The following HSPA12A variants were observed in gnomAD, a reference collection of about 807,000 sequenced individuals.
HSPA12A encodes heat shock 70 kDa protein 12A.
HSPA12A carries 28 observed loss-of-function variants against 69.2 expected under a neutral mutation model. The observed-to-expected ratio is 0.40, with a 90% CI of 0.30 to 0.55. HSPA12A has a LOEUF of 0.55. Among genes scored for constraint, HSPA12A ranks in the 20% least tolerant of loss-of-function variants. The probability of loss-of-function intolerance (pLI) is 0.38; values close to 1 mark genes in which losing one functional copy is unlikely to be tolerated. For synonymous variants in HSPA12A, 345 were observed against 370.5 expected (o/e 0.93, Z 0.79); for missense variants, 686 against 900.7 (o/e 0.76, Z 3.05).
At chr10:116,795,545 G>A (rs1844800224) in intron 2 of HSPA12A, among the ~76,000 whole-genome samples, 1 of 150,852 alleles carries the variant, frequency 6.6e-6, no homozygotes, top group African/African-American at 2.4e-5. Context: ...AATTAGCCAG[G>A]CGTGGTGGAA....
chr10:116,787,523 C>T (rs974239474), intron 2 of HSPA12A, among the ~76,000 whole-genome samples: 3 of 148,822 alleles, frequency 2.0e-5, no homozygotes, highest in African/African-American at 7.5e-5. Context: ...TAAATGCAAA[C>T]GAGAAACTGA....
At chr10:116,822,957 A>T (rs1015681176) in intron 2 of HSPA12A, among the ~76,000 whole-genome samples, 1 of 152,212 alleles carries the variant, frequency 6.6e-6, no homozygotes, top group African/African-American at 2.4e-5. Flanking sequence ...CAGACGACTT[A>T]AAAAGGTGTG....
chr10:116,720,585 G>A (rs537360565), intron 1 of HSPA12A, among the ~76,000 whole-genome samples: 16 of 152,360 alleles, frequency 1.1e-4, no homozygotes, highest in African/African-American at 3.8e-4. Flanking sequence ...ACTTGCTGGT[G>A]CTTCCCCTGA....
chr10:116,792,831 A>G (rs1394551586), intron 2 of HSPA12A, among the ~76,000 whole-genome samples: 1 of 151,882 alleles, frequency 6.6e-6, no homozygotes, highest in African/African-American at 2.4e-5. Flanking sequence ...GAAAGAAAGA[A>G]AAAGAAAAGA....
At chr10:116,689,990 T>A (rs1316474055) in intron 6 of HSPA12A, among the ~76,000 whole-genome samples, 2 of 152,190 alleles carry the variant, frequency 1.3e-5, no homozygotes, top group African/African-American at 4.8e-5. Flanking sequence ...ACAGGAACAC[T>A]CAGGATAATG....
chr10:116,736,027 T>C (rs1851306903), intron 1 of HSPA12A, among the ~76,000 whole-genome samples: 1 of 152,192 alleles, frequency 6.6e-6, no homozygotes, highest in Admixed American at 6.5e-5. Context: ...ACTATTGTTT[T>C]AACCCATTAA....
chr10:116,825,944 T>C (rs552022251), intron 2 of HSPA12A, among the ~76,000 whole-genome samples: 4 of 152,294 alleles, frequency 2.6e-5, no homozygotes, highest in African/African-American at 9.6e-5. Flanking sequence ...AACCACATCC[T>C]AGGCAGAAAA....
At position 116,731,245 on chromosome 10, in the gene HSPA12A, C is replaced by A. The variant is rs539944732; in HGVS notation, c.40+11185G>T. 2.6e-5 allele frequency among the ~76,000 whole-genome samples: 4 copies of A among 152,332 alleles called. No individual in the cohort carries two copies. In the East Asian group the frequency reaches 7.7e-4, roughly 29 times the overall value. ...CGAATTTTGCTTGTGAGTAAGTAAACCTTCTCTGGCCAGAGGAAGCCAAAA... is the reference window on the plus strand; with the variant it reads ...CGAATTTTGCTTGTGAGTAAGTAAAACTTCTCTGGCCAGAGGAAGCCAAAA... On this transcript the variant is annotated intron_variant, in intron 1 of 11. Coordinates refer to ENST00000369209, the MANE Select transcript of HSPA12A (RefSeq NM_025015.3).
chr10:116,737,042 A>T (rs1393085296), intron 1 of HSPA12A, among the ~76,000 whole-genome samples: 2 of 152,174 alleles, frequency 1.3e-5, no homozygotes, highest in Non-Finnish European at 2.9e-5. Context: ...TTTTCATATA[A>T]AAACTCATTT....
At chr10:116,782,111 A>G (rs1330881009) in intron 2 of HSPA12A, among the ~76,000 whole-genome samples, 1 of 152,232 alleles carries the variant, frequency 6.6e-6, no homozygotes, top group Non-Finnish European at 1.5e-5. Context: ...CAAGAAGGGC[A>G]AAGAGACGTT....
chr10:116,732,061 TGG>T (rs1851168002), intron 1 of HSPA12A, among the ~76,000 whole-genome samples: 3 of 152,030 alleles, frequency 2.0e-5, no homozygotes, highest in African/African-American at 7.2e-5. Context: ...CCAGGGGTGG[TGG>T]CTCATGCCTG....
intron 2 of HSPA12A, among the ~76,000 whole-genome samples, chr10:116,772,830 G>C (rs1844242581): frequency 6.6e-6 from 1 of 151,958 alleles, no homozygotes; most frequent in Non-Finnish European, 1.5e-5. Context: ...AAGTAGCTGG[G>C]ACTGCAGGCA....
intron 2 of HSPA12A, among the ~76,000 whole-genome samples, chr10:116,785,943 T>C (rs1844566322): frequency 6.6e-6 from 1 of 152,156 alleles, no homozygotes; most frequent in African/African-American, 2.4e-5. Context: ...CTGAGTGGTC[T>C]AGCATCCTCC....
intron 2 of HSPA12A, among the ~76,000 whole-genome samples, chr10:116,787,952 A>G (rs541655222): frequency 6.6e-6 from 1 of 151,780 alleles, no homozygotes; most frequent in South Asian, 2.1e-4. Context: ...GAAGTTGGGG[A>G]CAGTGACTTG....
chr10:116,805,821 C>A (rs1845055987), intron 2 of HSPA12A, among the ~76,000 whole-genome samples: 1 of 152,166 alleles, frequency 6.6e-6, no homozygotes, highest in South Asian at 2.1e-4. Context: ...CAAGTCTTTT[C>A]AATTAAAACA....
intron 2 of HSPA12A, among the ~76,000 whole-genome samples, chr10:116,822,550 T>C (rs1040827112): frequency 3.3e-5 from 5 of 152,128 alleles, no homozygotes; most frequent in South Asian, 2.1e-4. Flanking sequence ...AGTAGGGCAT[T>C]TGATAAGTTC....
At chr10:116,804,651 G>C (rs571896588) in intron 2 of HSPA12A, among the ~76,000 whole-genome samples, 1 of 152,130 alleles carries the variant, frequency 6.6e-6, no homozygotes, top group Admixed American at 6.6e-5. Flanking sequence ...GCATGTGTAG[G>C]TGTTCTGTGT....
intron 3 of HSPA12A, among the ~76,000 whole-genome samples, chr10:116,701,977 T>C (rs1251651950): frequency 2.0e-5 from 3 of 152,024 alleles, no homozygotes; most frequent in Non-Finnish European, 4.4e-5. Context: ...GCCTCAGACC[T>C]ATCCTGGAGC....
At chr10:116,754,150 C>T (rs1418876546) in intron 2 of HSPA12A, among the ~76,000 whole-genome samples, 1 of 152,166 alleles carries the variant, frequency 6.6e-6, no homozygotes, top group African/African-American at 2.4e-5. Flanking sequence ...GAAGTCCTTC[C>T]CAGGCTGGCA....
Sources: gnomAD v4.1 joint callset for allele counts (sites outside exome capture counted in the v4.1 genomes callset) on GRCh38, gnomAD v4.1.1 for gene constraint, MANE v1.5 for transcripts, NCBI Gene and HGNC (gene_info 2026-07-23, HGNC 2026-07-21) for gene names.